NPAS3: variants seen among roughly 807,000 people sequenced by gnomAD.
The protein encoded by NPAS3 is neuronal PAS domain protein 3.
A neutral mutation model predicts 73.1 loss-of-function variants in NPAS3; 14 were observed. That is an observed-to-expected ratio of 0.19 (90% CI 0.13 to 0.30). The LOEUF is 0.30. Among genes scored for constraint, NPAS3 ranks in the 10% least tolerant of loss-of-function variants. NPAS3 has a pLI of 1.00. For missense variants in NPAS3, 1,096 were observed against 1,250.0 expected, an observed-to-expected ratio of 0.88 and a Z score of 1.86; for synonymous variants, 620 against 541.5, an observed-to-expected ratio of 1.14 and a Z score of -2.01.
upstream of NPAS3, chr14:32,935,050 C>T: frequency 8.5e-7 from 1 of 1,177,028 alleles, no homozygotes; most frequent in South Asian, 3.1e-5. Context: ...CCCCGGGGTG[C>T]TGGGGTGGGA....
intron 6 of NPAS3, among the ~76,000 whole-genome samples, chr14:33,696,881 G>A (rs563849788): frequency 5.5e-4 from 84 of 152,254 alleles, no homozygotes; most frequent in Non-Finnish European, 8.8e-4. Context: ...CTGAACATGC[G>A]CTGCAAAAGC....
intron 7 of NPAS3, among the ~76,000 whole-genome samples, chr14:33,770,825 G>A (rs1188659663): frequency 2.0e-5 from 3 of 151,482 alleles, no homozygotes; most frequent in East Asian, 2.0e-4. Flanking sequence ...GCTTGAACCT[G>A]GGAGACGGTG....
At chr14:33,430,626 A>T (rs2048744612) in intron 4 of NPAS3, among the ~76,000 whole-genome samples, 1 of 152,170 alleles carries the variant, frequency 6.6e-6, no homozygotes, top group Non-Finnish European at 1.5e-5. Context: ...CTTTGATATT[A>T]TTCTAGAGAC....
chr14:33,642,145 A>C (rs2058691081), intron 5 of NPAS3, among the ~76,000 whole-genome samples: 1 of 152,166 alleles, frequency 6.6e-6, no homozygotes, highest in African/African-American at 2.4e-5. Context: ...CTGAAGTTTC[A>C]TTAACAGATC....
chr14:33,121,205 T>C (rs1677432364), intron 2 of NPAS3, among the ~76,000 whole-genome samples: 1 of 152,126 alleles, frequency 6.6e-6, no homozygotes, highest in Non-Finnish European at 1.5e-5. Context: ...CTTTTACAAC[T>C]TCATGGCCTT....
chr14:33,602,634 T>G (rs1365016635), intron 5 of NPAS3, among the ~76,000 whole-genome samples: 3 of 152,196 alleles, frequency 2.0e-5, no homozygotes, highest in Non-Finnish European at 4.4e-5. Context: ...AAAGTTTTTT[T>G]TTCATCCAGT....
intron 4 of NPAS3, among the ~76,000 whole-genome samples, chr14:33,514,452 A>G (rs1018731810): frequency 6.6e-6 from 1 of 152,044 alleles, no homozygotes; most frequent in Non-Finnish European, 1.5e-5. Context: ...CTTTACCAAG[A>G]CGATTGTGAT....
At chr14:33,214,993 G>T in intron 2 of NPAS3, 189 bp from the exon 3 acceptor site, 1 of 607,338 alleles carries the variant, frequency 1.6e-6, no homozygotes. Context: ...TTTACAAAAT[G>T]TAAGGCCAGA....
At chr14:33,508,587 G>C (rs2052887189) in intron 4 of NPAS3, among the ~76,000 whole-genome samples, 1 of 152,004 alleles carries the variant, frequency 6.6e-6, no homozygotes, top group African/African-American at 2.4e-5. Context: ...ACCACACACA[G>C]GGCTCACACA....
chr14:33,784,750 T>A (rs867979759), intron 9 of NPAS3, among the ~76,000 whole-genome samples: 240 of 122,986 alleles, frequency 2.0e-3, no homozygotes, highest in Middle Eastern at 0.016. Context: ...TATTTATTTT[T>A]TTTTTTTTTT....
intron 5 of NPAS3, among the ~76,000 whole-genome samples, chr14:33,579,642 G>T (rs2056584169): frequency 6.6e-6 from 1 of 151,584 alleles, no homozygotes; most frequent in Admixed American, 6.5e-5. Context: ...TTTAATTAGG[G>T]GTCTTTTTTT....
At chr14:33,121,320 T>C (rs2043223341) in intron 2 of NPAS3, among the ~76,000 whole-genome samples, 1 of 152,156 alleles carries the variant, frequency 6.6e-6, no homozygotes. Context: ...AAACATCCAT[T>C]TGTAGGCAGA....
intron 5 of NPAS3, among the ~76,000 whole-genome samples, chr14:33,623,803 TTAA>T (rs2058148495): frequency 6.6e-6 from 1 of 152,230 alleles, no homozygotes; most frequent in African/African-American, 2.4e-5. Flanking sequence ...CTGCCCTCTC[TTAA>T]TAATTCAGGC....
At chr14:33,055,342 C>G (rs992624144) in intron 1 of NPAS3, among the ~76,000 whole-genome samples, 3 of 152,198 alleles carry the variant, frequency 2.0e-5, no homozygotes, top group African/African-American at 7.2e-5. Flanking sequence ...ACATCTAACC[C>G]GTGTTCCCGA....
At chr14:33,749,328 T>C (rs1349973291) in intron 7 of NPAS3, among the ~76,000 whole-genome samples, 1 of 152,194 alleles carries the variant, frequency 6.6e-6, no homozygotes, top group Non-Finnish European at 1.5e-5. Flanking sequence ...GCAGTTGGCT[T>C]ATTGGTGAAT....
intron 1 of NPAS3, among the ~76,000 whole-genome samples, chr14:32,967,524 A>G (rs1317100431): frequency 1.3e-5 from 2 of 152,224 alleles, no homozygotes; most frequent in African/African-American, 4.8e-5. Context: ...AGAATGGGCA[A>G]GACATCTGAA....
At chr14:33,772,377 G>C (rs1001334906) in intron 7 of NPAS3, among the ~76,000 whole-genome samples, 1 of 152,148 alleles carries the variant, frequency 6.6e-6, no homozygotes, top group African/African-American at 2.4e-5. Flanking sequence ...TCAGTACCAT[G>C]ATGGCCACAG....
rs992964074 is a variant in NPAS3, at chr14:33,228,676, G to C, written c.385+13250G>C. Among the ~76,000 whole-genome samples, 14 of 151,944 alleles carry C rather than the reference G, an allele frequency of 9.2e-5. No individual in the cohort carries two copies. The South Asian group carries it at 2.1e-3, about 23-fold the overall frequency. ...CTAGGCTCTCTGGGGGATGCAAAGT[G>C]GGGGAAAAAAGCGAACCATCTCCTC... On this transcript the variant is annotated intron_variant, in intron 3 of 11. Coordinates refer to ENST00000356141, the Ensembl canonical transcript of NPAS3.
At chr14:33,375,410 A>G (rs1002596712) in intron 4 of NPAS3, among the ~76,000 whole-genome samples, 1 of 152,216 alleles carries the variant, frequency 6.6e-6, no homozygotes, top group African/African-American at 2.4e-5. Context: ...ACTAATTTGC[A>G]TATGATAAAT....
Sources: allele counts gnomAD v4.1 joint callset (sites outside exome capture counted in the v4.1 genomes callset), GRCh38; gene constraint gnomAD v4.1.1; transcripts MANE v1.5; gene names NCBI Gene and HGNC (gene_info 2026-07-23, HGNC 2026-07-21).